The following MINAR1 variants were observed in gnomAD, a reference collection of about 807,000 sequenced individuals.
The protein encoded by MINAR1 is major intrinsically disordered Notch2-binding receptor 1.
MINAR1 carries 40 observed loss-of-function variants against 65.1 expected under a neutral mutation model. The ratio of observed to expected loss-of-function variants is 0.61; its 90% confidence interval spans 0.48 to 0.80. The LOEUF is 0.80. Among genes scored for constraint, MINAR1 ranks in the 30% least tolerant of loss-of-function variants. MINAR1 has a pLI of 0.00. For synonymous variants in MINAR1, 482 were observed against 449.1 expected (o/e 1.07, Z -0.93); for missense variants, 1,128 against 1,148.0 (o/e 0.98, Z 0.25).
At chr15:79,433,460 T>G (rs537021492) in intron 1 of MINAR1, among the ~76,000 whole-genome samples, 2 of 152,278 alleles carry the variant, frequency 1.3e-5, no homozygotes, top group African/African-American at 4.8e-5. Context: ...ATCCAGAGTT[T>G]CTGCTATAAA....
rs1209181700 is a variant in MINAR1, at chr15:79,468,518, G to T, written c.*134G>T. On this transcript the variant is annotated 3_prime_UTR_variant, in exon 4 of 4. Coordinates refer to ENST00000305428, the MANE Select transcript of MINAR1 (RefSeq NM_015206.3). ...GGAGGCATTTCTACAAATGTTGAATGAAGGTGGTTTTCAGAAAGTATACAT... is the reference window on the plus strand; with the variant it reads ...GGAGGCATTTCTACAAATGTTGAATTAAGGTGGTTTTCAGAAAGTATACAT... 2.0e-5 allele frequency: 17 copies of T among 835,178 alleles called. No homozygotes were observed. The highest frequency in any genetic ancestry group is 3.1e-5 in the Non-Finnish European group (17 of 545,318). 51.7% of individuals were successfully genotyped at this position (835,178 alleles called of 1,614,324 possible). A position where few individuals can be genotyped will look rare whatever the true frequency, so the allele number is the denominator to read the frequency against.
At chr15:79,444,943 T>C (rs901539272) in intron 1 of MINAR1, among the ~76,000 whole-genome samples, 8 of 152,128 alleles carry the variant, frequency 5.3e-5, no homozygotes, top group Non-Finnish European at 1.2e-4. Flanking sequence ...ATGTATTATT[T>C]TCTTTGATCA....
At chr15:79,449,911 C>A (rs1208615983) in intron 1 of MINAR1, among the ~76,000 whole-genome samples, 1 of 152,166 alleles carries the variant, frequency 6.6e-6, no homozygotes, top group Non-Finnish European at 1.5e-5. Context: ...TTTCTCCAGA[C>A]CATCAAACAC....
intron 1 of MINAR1, among the ~76,000 whole-genome samples, chr15:79,453,824 C>A (rs1029528392): frequency 1.3e-5 from 2 of 152,142 alleles, no homozygotes; most frequent in South Asian, 2.1e-4. Context: ...GGTTTTTGAC[C>A]TGGGATTTCC....
In MINAR1 at chr15:79,465,038, G is replaced by A. The variant is rs2141305567; in HGVS notation, c.2553+1717G>A. On this transcript the variant is annotated intron_variant, in intron 3 of 3. Coordinates refer to ENST00000305428, the MANE Select transcript of MINAR1 (RefSeq NM_015206.3). ...GAAGATTTACCCCCTACAGATATGT[G>A]AGCTTTTACTGCACCAGTGTTTATA... is the stretch of plus-strand genomic sequence containing the variant. Among the ~76,000 whole-genome samples the A allele has an allele frequency of 2.0e-5, 3 of 152,282 alleles. 1 individual carries two copies. In the South Asian group the frequency reaches 6.2e-4, roughly 32 times the overall value.
chr15:79,463,420 C>T, intron 3 of MINAR1, 99 bp downstream of exon 3: 1 of 1,416,546 alleles, frequency 7.1e-7, no homozygotes, highest in Non-Finnish European at 9.7e-7. Context: ...AGCCCACTTC[C>T]ACACCCTTCA....
the MINAR1 span, chr15:79,419,814 G>A: frequency 6.6e-6 from 1 of 152,066 alleles, no homozygotes; most frequent in East Asian, 1.9e-4. Flanking sequence ...TAGCATAAAG[G>A]GAATGTTCGG....
chr15:79,451,376 C>G (rs1895193959), intron 1 of MINAR1, among the ~76,000 whole-genome samples: 1 of 152,142 alleles, frequency 6.6e-6, no homozygotes, highest in Non-Finnish European at 1.5e-5. Context: ...ACGGAGGGAA[C>G]AGAGGAGACT....
At chr15:79,466,443 G>A (rs1353165253) in intron 3 of MINAR1, among the ~76,000 whole-genome samples, 1 of 152,180 alleles carries the variant, frequency 6.6e-6, no homozygotes, top group Non-Finnish European at 1.5e-5. Context: ...AAATAGGAGT[G>A]GCTGTGTTCC....
At chr15:79,419,858 C>G in the MINAR1 span, 1 of 151,992 alleles carries the variant, frequency 6.6e-6, no homozygotes, top group Non-Finnish European at 1.5e-5. Flanking sequence ...GCCCCCAAAT[C>G]TACTTAATAA....
At position 79,458,315 on chromosome 15, in the gene MINAR1, T is replaced by C. The variant is rs748567860; in HGVS notation, c.2168T>C (p.Ile723Thr). ...TEENSATESK[I>T]ASISNSPRDW... ...GAGAACAGTGCCACAGAGTCCAAAATTGCCAGCATCTCCAACTCGCCCAGA... is the reference window on the plus strand; with the variant it reads ...GAGAACAGTGCCACAGAGTCCAAAACTGCCAGCATCTCCAACTCGCCCAGA... Residue 723 changes from isoleucine to threonine, a missense_variant, in exon 2 of 4, where the codon ATT becomes ACT. Physicochemically the swap from Ile to Thr is moderately conservative, Grantham distance 89 (BLOSUM62 -1). Coordinates refer to ENST00000305428, the MANE Select transcript of MINAR1 (RefSeq NM_015206.3). 1.2e-6 allele frequency: 2 copies of C among 1,614,120 alleles called. No homozygotes were observed. Among genetic ancestry groups the C allele is most frequent in the Admixed American group, 1.7e-5 (1 of 60,026 alleles).
At chr15:79,415,553 G>A in the MINAR1 span, 16 of 152,274 alleles carry the variant, frequency 1.1e-4, no homozygotes, top group South Asian at 6.2e-4. Flanking sequence ...GACCAAAATC[G>A]GTAGTAGTTG....
rs375161536 is a variant in MINAR1, at chr15:79,457,699, A to C, written c.1552A>C (p.Ile518Leu). 2 of 1,614,208 alleles carry C rather than the reference A, an allele frequency of 1.2e-6. No homozygotes were observed. Among genetic ancestry groups the C allele is most frequent in the Non-Finnish European group, 1.7e-6 (2 of 1,180,038 alleles). Reference protein sequence around the residue: ...DDDSEIVSDDISDIFRFLDDM... With the variant: ...DDDSEIVSDDLSDIFRFLDDM... ...TGACTCAGAAATTGTCAGCGACGAC[A>C]TCAGTGACATTTTCCGATTTCTTGA... The change falls in exon 2 of 4, where the codon ATC (isoleucine) becomes CTC (leucine). Residue 518 changes from isoleucine (I) to leucine (L), a missense_variant. Transcript: ENST00000305428.
chr15:79,427,652 G>C (rs12595322), upstream of MINAR1, among the ~76,000 whole-genome samples: 51,444 of 152,104 alleles, frequency 0.34, 8,939 homozygotes, highest in South Asian at 0.45. Context: ...TGTTTCCCTA[G>C]GAAGTGAAGT....
At chr15:79,433,422 G>C (rs1894508360) in intron 1 of MINAR1, among the ~76,000 whole-genome samples, 2 of 152,244 alleles carry the variant, frequency 1.3e-5, no homozygotes, top group Non-Finnish European at 2.9e-5. Context: ...ATTAAGTTAT[G>C]TTTGGTGAAG....
chr15:79,449,990 C>G (rs1895138036), intron 1 of MINAR1, among the ~76,000 whole-genome samples: 1 of 152,192 alleles, frequency 6.6e-6, no homozygotes, highest in Non-Finnish European at 1.5e-5. Context: ...TTTACCTTTT[C>G]CCCATGGCTG....
intron 1 of MINAR1, among the ~76,000 whole-genome samples, chr15:79,443,896 C>T (rs1894939605): frequency 1.3e-5 from 2 of 152,234 alleles, no homozygotes; most frequent in Middle Eastern, 3.4e-3. Context: ...GTGATTCTGC[C>T]AATATTCATC....
At chr15:79,432,985 C>T (rs1894493418) in intron 1 of MINAR1, among the ~76,000 whole-genome samples, 1 of 152,228 alleles carries the variant, frequency 6.6e-6, no homozygotes, top group Admixed American at 6.5e-5. Context: ...GGTGGACCGA[C>T]CGGTGCATCC....
chr15:79,439,280 GATAGTGA>G, intron 1 of MINAR1, among the ~76,000 whole-genome samples: 2 of 130,046 alleles, frequency 1.5e-5, no homozygotes, highest in Non-Finnish European at 3.3e-5. Flanking sequence ...GTGTGGGGTG[GATAGTGA>G]GTGGGTGGGC....
Sources: allele counts gnomAD v4.1 joint callset (sites outside exome capture counted in the v4.1 genomes callset), GRCh38; gene constraint gnomAD v4.1.1; transcripts MANE v1.5; gene names NCBI Gene and HGNC (gene_info 2026-07-23, HGNC 2026-07-21).